FAM50B: variants seen among roughly 807,000 people sequenced by gnomAD.
The protein encoded by FAM50B is protein FAM50B.
A neutral mutation model predicts 25.4 loss-of-function variants in FAM50B; 9 were observed. The ratio of observed to expected loss-of-function variants is 0.35; its 90% CI spans 0.21 to 0.62. FAM50B has a LOEUF of 0.62. Ranked by LOEUF, FAM50B falls within the 20% of genes least tolerant of loss-of-function variation. The probability of loss-of-function intolerance (pLI) is 0.73; values close to 1 mark genes in which losing one functional copy is unlikely to be tolerated. For synonymous variants in FAM50B, 212 were observed against 204.3 expected (o/e 1.04, Z -0.32); for missense variants, 372 against 477.9 (o/e 0.78, Z 2.07).
At chr6:3,840,025 C>T in the FAM50B span, among the ~76,000 whole-genome samples, 1 of 152,166 alleles carries the variant, frequency 6.6e-6, no homozygotes, top group African/African-American at 2.4e-5. Flanking sequence ...CGGAGTCTCA[C>T]TCTGTCGCCC....
At chr6:3,835,747 A>G in the FAM50B span, among the ~76,000 whole-genome samples, 2 of 152,366 alleles carry the variant, frequency 1.3e-5, no homozygotes, top group Non-Finnish European at 2.9e-5. Context: ...ATAAAAAATG[A>G]AGCTTAGAAA....
At position 3,850,716 on chromosome 6, in the gene FAM50B, A is replaced by T; in HGVS notation, c.905A>T (p.Lys302Met). The part of the protein sequence containing the change: ...VVLRSWYEKN[K>M]HIFPASRWEA... ...CTGCGCAGCTGGTACGAGAAGAACAAGCACATCTTCCCCGCCAGCCGCTGG... is the reference window on the plus strand; with the variant it reads ...CTGCGCAGCTGGTACGAGAAGAACATGCACATCTTCCCCGCCAGCCGCTGG... The change falls in exon 2 of 2, where the codon AAG becomes ATG. Residue 302 changes from lysine (K) to methionine (M), a missense_variant. Lys to Met is a moderately conservative substitution (Grantham distance 95, BLOSUM62 -1). Transcript: ENST00000648326. 6.2e-7 allele frequency: 1 copy of T among 1,614,068 alleles called. No individual in the cohort carries two copies. The highest frequency in any genetic ancestry group is 1.1e-5 in the South Asian group (1 of 91,070).
upstream of FAM50B, among the ~76,000 whole-genome samples, chr6:3,848,134 G>C (rs544882365): frequency 2.0e-5 from 3 of 152,354 alleles, no homozygotes; most frequent in African/African-American, 4.8e-5. Flanking sequence ...GGAACACGAA[G>C]TGAGCACATG....
At chr6:3,834,969 G>A in the FAM50B span, among the ~76,000 whole-genome samples, 1 of 151,952 alleles carries the variant, frequency 6.6e-6, no homozygotes, top group African/African-American at 2.4e-5. Flanking sequence ...GCTGTTTTAT[G>A]TAAAGCTTTC....
At chr6:3,849,768 C>T in intron 1 of FAM50B, 21 bp from the exon 2 acceptor site, 5 of 1,552,162 alleles carry the variant, frequency 3.2e-6, no homozygotes, top group East Asian at 2.3e-5. Flanking sequence ...CTACCTGCCG[C>T]GTTTTTCCTC....
chr6:3,848,966 T>A (rs1762157154), upstream of FAM50B, among the ~76,000 whole-genome samples: 1 of 152,126 alleles, frequency 6.6e-6, no homozygotes, highest in African/African-American at 2.4e-5. Context: ...CGGGGTAGCA[T>A]CAGAGGCGGG....
chr6:3,847,876 C>G (rs1180897917), upstream of FAM50B, among the ~76,000 whole-genome samples: 2 of 152,184 alleles, frequency 1.3e-5, no homozygotes, highest in African/African-American at 4.8e-5. Context: ...TTCAATATTG[C>G]TGTGTCTCAG....
the FAM50B span, among the ~76,000 whole-genome samples, chr6:3,843,109 T>A: frequency 6.6e-6 from 1 of 152,224 alleles, no homozygotes; most frequent in African/African-American, 2.4e-5. Flanking sequence ...ATTGACAGCA[T>A]CCATAATACA....
At chr6:3,841,047 C>CACCAAG in the FAM50B span, among the ~76,000 whole-genome samples, 1 of 152,122 alleles carries the variant, frequency 6.6e-6, no homozygotes, top group Non-Finnish European at 1.5e-5. Context: ...GGATTTCTTA[C>CACCAAG]CACAATCAAT....
chr6:3,834,358 GC>G, the FAM50B span, among the ~76,000 whole-genome samples: 2 of 79,858 alleles, frequency 2.5e-5, no homozygotes, highest in Admixed American at 2.4e-4. Context: ...CTGATATATG[GC>G]AAAAAAAAAA....
the FAM50B span, among the ~76,000 whole-genome samples, chr6:3,839,388 C>T: frequency 1.3e-5 from 2 of 152,288 alleles, no homozygotes; most frequent in Non-Finnish European, 2.9e-5. Flanking sequence ...CTAGGTTCTT[C>T]CTCCCACATT....
At chr6:3,837,899 C>A in the FAM50B span, among the ~76,000 whole-genome samples, 1 of 152,172 alleles carries the variant, frequency 6.6e-6, no homozygotes, top group Non-Finnish European at 1.5e-5. Context: ...GCCCTCATGA[C>A]CCAATCACTT....
chr6:3,847,422 C>A (rs545240603), upstream of FAM50B, among the ~76,000 whole-genome samples: 8 of 152,366 alleles, frequency 5.3e-5, no homozygotes, highest in Admixed American at 1.3e-4. Flanking sequence ...TGACTTCCTT[C>A]CTCAGCCTCA....
At chr6:3,839,968 T>TTTGTTG in the FAM50B span, among the ~76,000 whole-genome samples, 15 of 150,988 alleles carry the variant, frequency 9.9e-5, no homozygotes, top group African/African-American at 1.9e-4. Flanking sequence ...AAACCCTGTC[T>TTTGTTG]TTGTTGTTGT....
chr6:3,837,913 A>G, the FAM50B span, among the ~76,000 whole-genome samples: 1 of 152,204 alleles, frequency 6.6e-6, no homozygotes, highest in African/African-American at 2.4e-5. Flanking sequence ...ATCACTTCTC[A>G]AAGGTTCCAC....
chr6:3,850,135 G>A lies in FAM50B; in HGVS notation c.324G>A (p.Glu108=). 1 of 1,610,594 alleles carries A rather than the reference G, an allele frequency of 6.2e-7. No individual in the cohort carries two copies. The highest frequency in any genetic ancestry group is 1.7e-4 in the Middle Eastern group (1 of 6,052). The stretch of plus-strand genomic sequence containing the variant: ...AGCAGGAGCGGCAGCGGGAGCAGGA[G>A]CAGCGGCGCGAGCGCAAGCGTAAGA... ...RLQQERQREQ[E]QRRERKRKIS... Residue 108 remains glutamate, a synonymous_variant, in exon 2 of 2, where the codon GAG becomes GAA. Transcript: ENST00000648326.
the FAM50B span, among the ~76,000 whole-genome samples, chr6:3,835,475 T>C: frequency 6.6e-6 from 1 of 152,188 alleles, no homozygotes; most frequent in African/African-American, 2.4e-5. Context: ...AGCCCCATTA[T>C]GAACAGCTAA....
the FAM50B span, among the ~76,000 whole-genome samples, chr6:3,838,191 A>G: frequency 6.6e-6 from 1 of 152,218 alleles, no homozygotes; most frequent in Non-Finnish European, 1.5e-5. Context: ...CATGCCTATA[A>G]TAACAGCACT....
chr6:3,843,967 A>G, the FAM50B span, among the ~76,000 whole-genome samples: 9 of 152,174 alleles, frequency 5.9e-5, no homozygotes, highest in African/African-American at 2.2e-4. Context: ...CAGGCCCACC[A>G]TCAGCTGTTT....
Sources: allele counts gnomAD v4.1 joint callset (sites outside exome capture counted in the v4.1 genomes callset), GRCh38; gene constraint gnomAD v4.1.1; transcripts MANE v1.5; gene names NCBI Gene and HGNC (gene_info 2026-07-23, HGNC 2026-07-21).